PCSK5: variants seen among roughly 807,000 people sequenced by gnomAD.
PCSK5 encodes the protein prohormone convertase 5.
Under a neutral mutation model 233.2 loss-of-function variants are expected in PCSK5, and 129 were observed. The ratio of observed to expected loss-of-function variants is 0.55; its 90% CI spans 0.48 to 0.64. PCSK5 has a LOEUF of 0.64. PCSK5 is among the 30% of genes least tolerant of loss of function. The pLI is 0.00. For missense variants in PCSK5, 2,076 were observed against 2,430.1 expected (o/e 0.85, Z 3.06); for synonymous variants, 825 against 879.2 (o/e 0.94, Z 1.09).
intron 7 of PCSK5, 44 bp downstream of exon 7, chr9:76,071,942 A>G (rs1043024260): frequency 6.5e-7 from 1 of 1,540,606 alleles, no homozygotes; most frequent in Non-Finnish European, 8.9e-7. Flanking sequence ...TGGATGGGTG[A>G]TGATTCTCAT....
chr9:75,913,432 C>A (rs188714547), intron 1 of PCSK5, among the ~76,000 whole-genome samples: 1 of 152,086 alleles, frequency 6.6e-6, no homozygotes, highest in Non-Finnish European at 1.5e-5. Context: ...TTTAGTGTCA[C>A]GTATTTGTGC....
At chr9:75,970,059 G>A (rs917700908) in intron 2 of PCSK5, among the ~76,000 whole-genome samples, 1 of 151,964 alleles carries the variant, frequency 6.6e-6, no homozygotes, top group Admixed American at 6.6e-5. Flanking sequence ...GTTTAGTAGC[G>A]ATGGGGTTTC....
Position 75,922,066 on chromosome 9 carries a change from C to G in PCSK5, c.193-10313C>G, listed in dbSNP as rs142616411. Reference sequence around the variant, plus strand: ...CAACAGGGACTGTGTTTTGTTCACTCTGTCTGCAGTGTCTTTGGATCATTG... The same window carrying G: ...CAACAGGGACTGTGTTTTGTTCACTGTGTCTGCAGTGTCTTTGGATCATTG... On this transcript the variant is annotated intron_variant, in intron 1 of 37. Coordinates refer to ENST00000674117, the MANE Select transcript of PCSK5 (RefSeq NM_001372043.1). 4.8e-3 allele frequency among the ~76,000 whole-genome samples: 728 copies of G among 152,286 alleles called. 2 individuals carry two copies. The highest frequency in any genetic ancestry group is 0.017 in the African/African-American group (691 of 41,576).
chr9:76,033,278 C>A (rs1828722654), intron 5 of PCSK5, among the ~76,000 whole-genome samples: 1 of 152,138 alleles, frequency 6.6e-6, no homozygotes, highest in African/African-American at 2.4e-5. Flanking sequence ...AAGTCTGTGG[C>A]CTTAACACGT....
At chr9:75,926,964 A>G (rs1823520262) in intron 1 of PCSK5, among the ~76,000 whole-genome samples, 2 of 152,160 alleles carry the variant, frequency 1.3e-5, no homozygotes, top group South Asian at 4.1e-4. Flanking sequence ...ATAATGTTTT[A>G]ATTTCTTTTG....
intron 1 of PCSK5, among the ~76,000 whole-genome samples, chr9:75,927,607 C>T (rs908425393): frequency 3.9e-5 from 6 of 152,076 alleles, no homozygotes; most frequent in Non-Finnish European, 7.4e-5. Context: ...TGAGGGGTTT[C>T]GCTGCATGCT....
intron 20 of PCSK5, among the ~76,000 whole-genome samples, chr9:76,222,741 C>T (rs1171708006): frequency 2.0e-5 from 3 of 152,126 alleles, no homozygotes; most frequent in Non-Finnish European, 4.4e-5. Context: ...TTGATGGCCT[C>T]ATAGTTTGAG....
intron 24 of PCSK5, among the ~76,000 whole-genome samples, chr9:76,250,796 A>T (rs1826777317): frequency 6.6e-6 from 1 of 152,260 alleles, no homozygotes; most frequent in Admixed American, 6.5e-5. Context: ...TTACGTTAGT[A>T]ATAACCACAT....
At chr9:76,347,371 GAT>G (rs1227817660) in intron 35 of PCSK5, among the ~76,000 whole-genome samples, 3 of 152,180 alleles carry the variant, frequency 2.0e-5, no homozygotes, top group Non-Finnish European at 2.9e-5. Context: ...TAGAAGCAAT[GAT>G]AGATGTAGGG....
rs542038236 is a variant in PCSK5, at chr9:76,134,043, G to C, written c.1209-66G>C. On this transcript the variant is annotated intron_variant, in intron 9 of 37. Transcript: ENST00000674117. ...TTGATTTTGCTTTTTTAATTTGCTT[G>C]TGACTCTCTGCTTCCCCCATCTTTT... is the stretch of plus-strand genomic sequence containing the variant. 1.5e-5 allele frequency: 16 copies of C among 1,043,946 alleles called. No homozygotes were observed. In the East Asian group the frequency reaches 2.2e-4, roughly 15 times the overall value. The allele number at this position is 1,043,946 out of a possible 1,614,324, so 64.7% of individuals were successfully genotyped here.
In PCSK5 at chr9:76,066,501, A is replaced by G. The variant is rs187019716; in HGVS notation, c.633-1454A>G. Among the ~76,000 whole-genome samples the G allele has an allele frequency of 2.1e-4, 32 of 152,244 alleles. 1 individual carries two copies. Among genetic ancestry groups the G allele is most frequent in the Non-Finnish European group, 1.3e-4 (9 of 68,024 alleles). ...GTCTGTACTCAAGATTGTTCTTCGT[A>G]TTGTTGTTAATATTAGTGAATAACT... is the stretch of plus-strand genomic sequence containing the variant. On this transcript the variant is annotated intron_variant, in intron 5 of 37. Coordinates refer to ENST00000674117, the MANE Select transcript of PCSK5 (RefSeq NM_001372043.1).
chr9:75,982,522 G>A (rs187819133), intron 2 of PCSK5, among the ~76,000 whole-genome samples: 4 of 152,150 alleles, frequency 2.6e-5, no homozygotes, highest in Admixed American at 2.6e-4. Context: ...TCTCAGTTTG[G>A]TTTCATTTGC....
chr9:76,007,935 A>G (rs1260197774), intron 3 of PCSK5, among the ~76,000 whole-genome samples: 1 of 151,778 alleles, frequency 6.6e-6, no homozygotes, highest in East Asian at 1.9e-4. Flanking sequence ...CTTCACTTTC[A>G]TATCTCTTTC....
At chr9:76,097,993 G>C (rs997792962) in intron 8 of PCSK5, among the ~76,000 whole-genome samples, 2 of 152,210 alleles carry the variant, frequency 1.3e-5, no homozygotes, top group Non-Finnish European at 1.5e-5. Flanking sequence ...GCAGGTTGGG[G>C]TCACTCTAGT....
At chr9:76,048,891 T>C (rs963718162) in intron 5 of PCSK5, among the ~76,000 whole-genome samples, 1 of 152,202 alleles carries the variant, frequency 6.6e-6, no homozygotes, top group Non-Finnish European at 1.5e-5. Context: ...AAAACAGAAT[T>C]CAGTGTCAAT....
At chr9:76,322,002 T>C (rs532775818) in intron 31 of PCSK5, among the ~76,000 whole-genome samples, 1 of 152,026 alleles carries the variant, frequency 6.6e-6, no homozygotes, top group Admixed American at 6.6e-5. Flanking sequence ...CAGGCTGGAG[T>C]GCAATGGCTC....
intron 5 of PCSK5, among the ~76,000 whole-genome samples, chr9:76,032,908 G>T (rs1023283414): frequency 5.3e-5 from 8 of 152,160 alleles, no homozygotes; most frequent in African/African-American, 1.9e-4. Context: ...AGCGGTATGT[G>T]GGCCCAGAGT....
intron 3 of PCSK5, among the ~76,000 whole-genome samples, chr9:76,017,421 A>G (rs1827995372): frequency 6.6e-6 from 1 of 152,196 alleles, no homozygotes; most frequent in Non-Finnish European, 1.5e-5. Context: ...TGCTGCCATC[A>G]ACAGTAGCAT....
At chr9:76,040,385 G>GTCTCTCTCTCTCTCTC (rs5898445) in intron 5 of PCSK5, among the ~76,000 whole-genome samples, 1 of 80,622 alleles carries the variant, frequency 1.2e-5, no homozygotes, top group East Asian at 4.3e-4. Context: ...CTCTCTCTCT[G>GTCTCTCTCTCTCTCTC]TCTCTCTCTC....
Sources: allele counts gnomAD v4.1 joint callset (sites outside exome capture counted in the v4.1 genomes callset), GRCh38; gene constraint gnomAD v4.1.1; transcripts MANE v1.5; gene names NCBI Gene and HGNC (gene_info 2026-07-23, HGNC 2026-07-21).